The following ATPAF1 variants were observed in gnomAD, a reference collection of about 807,000 sequenced individuals.
The protein encoded by ATPAF1 is homolog of yeast ATP11.
Under a neutral mutation model 43.9 loss-of-function variants are expected in ATPAF1, and 26 were observed. The observed-to-expected ratio is 0.59, with a 90% CI of 0.43 to 0.82. The LOEUF is 0.82. Among genes scored for constraint, ATPAF1 ranks in the 40% least tolerant of loss-of-function variants. ATPAF1 has a pLI of 0.00. For missense variants in ATPAF1, 366 were observed against 435.0 expected (o/e 0.84, Z 1.41); for synonymous variants, 157 against 168.0 (o/e 0.93, Z 0.50).
At chr1:46,665,358 G>T in exon 2 of ATPAF1, 1 of 1,614,196 alleles carries the variant, frequency 6.2e-7, no homozygotes, top group Non-Finnish European at 8.5e-7. Context: ...AAGCAGCTGG[G>T]TCTGACCTGA....
Position 46,653,689 on chromosome 1 carries a change from C to T in ATPAF1, c.540+128G>A, listed in dbSNP as rs1676211149. 1 of 774,988 alleles carries T rather than the reference C, an allele frequency of 1.3e-6. No homozygotes were observed. Among genetic ancestry groups the T allele is most frequent in the African/African-American group, 1.8e-5 (1 of 55,734 alleles). 48.0% of individuals were successfully genotyped at this position (774,988 alleles called of 1,614,324 possible). A position where few individuals can be genotyped will look rare whatever the true frequency, so the allele number is the denominator to read the frequency against. On this transcript the variant is annotated intron_variant, in intron 5 of 8. Transcript: ENST00000574428. The surrounding 1 kb of genome is among the most constrained non-coding windows in gnomAD (Gnocchi z 4.8). ...TGGTGCTCAGGGCATAATAAAAACT[C>T]TCAGGGCTGTAAAATGCAGCTTCTC... is the stretch of plus-strand genomic sequence containing the variant.
chr1:46,635,360 C>A (rs948073501), exon 9 of ATPAF1: 1 of 167,264 alleles, frequency 6.0e-6, no homozygotes, highest in Non-Finnish European at 1.3e-5. Flanking sequence ...GGATTAAAGC[C>A]CATATCTAAC....
intron 3 of ATPAF1, 23 bp from the exon 4 acceptor site, chr1:46,658,212 A>T: frequency 6.5e-7 from 1 of 1,541,188 alleles, no homozygotes; most frequent in Non-Finnish European, 8.8e-7. Flanking sequence ...AATAAAAAGC[A>T]ATTAACACAT....
chr1:46,638,415 G>C (rs1675882350), intron 8 of ATPAF1, among the ~76,000 whole-genome samples: 1 of 152,092 alleles, frequency 6.6e-6, no homozygotes, highest in Non-Finnish European at 1.5e-5. Context: ...TCAGGAGATC[G>C]AGACCATCCT....
At chr1:46,643,622 A>G (rs1167770123) in intron 7 of ATPAF1, among the ~76,000 whole-genome samples, 1 of 152,268 alleles carries the variant, frequency 6.6e-6, no homozygotes, top group Non-Finnish European at 1.5e-5. Flanking sequence ...ATCAAGTTCT[A>G]AAGAAAGCAA....
intron 6 of ATPAF1, among the ~76,000 whole-genome samples, chr1:46,647,666 A>G (rs1484714358): frequency 6.6e-6 from 1 of 152,238 alleles, no homozygotes; most frequent in Admixed American, 6.5e-5. Context: ...TCTCTTGGGA[A>G]AATATCTAGA....
chr1:46,663,647 T>C (rs2148826954), intron 2 of ATPAF1, among the ~76,000 whole-genome samples: 1 of 152,318 alleles, frequency 6.6e-6, no homozygotes, highest in South Asian at 2.1e-4. Flanking sequence ...TCTTGTAAAT[T>C]TGTTTGAGTT....
chr1:46,640,347 T>C (rs973746221), intron 8 of ATPAF1, among the ~76,000 whole-genome samples: 1 of 152,368 alleles, frequency 6.6e-6, no homozygotes, highest in African/African-American at 2.4e-5. Context: ...TGGTGGCTCA[T>C]GCCTGTAATC....
At chr1:46,659,023 C>G (rs1396255884) in intron 2 of ATPAF1, among the ~76,000 whole-genome samples, 5 of 152,018 alleles carry the variant, frequency 3.3e-5, no homozygotes, top group Non-Finnish European at 5.9e-5. Context: ...AACCCCGTCT[C>G]TACTAAAAAT....
At chr1:46,635,538 G>A (rs765749870) in exon 9 of ATPAF1, 21 of 496,150 alleles carry the variant, frequency 4.2e-5, no homozygotes, top group Non-Finnish European at 6.8e-5. Context: ...TTATAACCTC[G>A]AACACTTAAA....
rs1676209414 is a variant in ATPAF1 at position 46,653,570 on chromosome 1, C to T, written c.540+247G>A. ...TACTCAGCAACATGAACTTATACCA[C>T]GCTCCCTTGTCAGAGACTTGACTCA... On this transcript the variant is annotated intron_variant, in intron 5 of 8. Transcript: ENST00000574428. The surrounding 1 kb of genome is among the most constrained non-coding windows in gnomAD (Gnocchi z 4.8). Among the ~76,000 whole-genome samples the T allele has an allele frequency of 6.6e-6, 1 of 152,076 alleles. No homozygotes were observed. The highest frequency in any genetic ancestry group is 6.6e-5 in the Admixed American group (1 of 15,256).
intron 6 of ATPAF1, among the ~76,000 whole-genome samples, chr1:46,647,443 G>A (rs1292839455): frequency 6.6e-6 from 1 of 152,122 alleles, no homozygotes. Flanking sequence ...GTTGTTGCAT[G>A]TATCAATAGT....
At chr1:46,655,176 T>C (rs183885278) in intron 4 of ATPAF1, among the ~76,000 whole-genome samples, 21 of 152,282 alleles carry the variant, frequency 1.4e-4, no homozygotes, top group Admixed American at 8.5e-4. Flanking sequence ...TTACCTCCCA[T>C]TGTGTCCCTC....
chr1:46,659,527 A>C (rs1676344771), intron 2 of ATPAF1, among the ~76,000 whole-genome samples: 2 of 125,734 alleles, frequency 1.6e-5, no homozygotes. Context: ...AGTCATTTTG[A>C]GTGTTCAATC....
rs556433096 is a variant in ATPAF1, at chr1:46,667,129, T to C, written c.266+928A>G. ...GCAAGAAAGATCACTACAGTAGCAGTGAGAGGAACTGGGGTAAAGTAGTCC... is the reference window on the plus strand; with the variant it reads ...GCAAGAAAGATCACTACAGTAGCAGCGAGAGGAACTGGGGTAAAGTAGTCC... On this transcript the variant is annotated intron_variant, in intron 1 of 8. Coordinates refer to ENST00000574428, the Ensembl canonical transcript of ATPAF1. 2.0e-5 allele frequency among the ~76,000 whole-genome samples: 3 copies of C among 152,214 alleles called. No individual in the cohort carries two copies. The South Asian group carries it at 6.2e-4, about 32-fold the overall frequency.
chr1:46,652,676 A>G (rs1486911615), intron 5 of ATPAF1, 48 bp from the exon 6 acceptor site: 2 of 1,491,920 alleles, frequency 1.3e-6, no homozygotes, highest in Non-Finnish European at 1.9e-6. Flanking sequence ...GTAAAACACA[A>G]AAGGCCACTA....
At chr1:46,663,052 G>C (rs181756520) in intron 2 of ATPAF1, among the ~76,000 whole-genome samples, 1 of 151,968 alleles carries the variant, frequency 6.6e-6, no homozygotes, top group Non-Finnish European at 1.5e-5. Flanking sequence ...TTGTCCTTGC[G>C]ATAGTTTGCT....
At chr1:46,641,822 C>A (rs576041281) in intron 8 of ATPAF1, among the ~76,000 whole-genome samples, 2 of 152,256 alleles carry the variant, frequency 1.3e-5, no homozygotes, top group South Asian at 4.1e-4. Flanking sequence ...GGGATGGAGA[C>A]CCCTCGCTCA....
chr1:46,661,825 T>C (rs1211014505), intron 2 of ATPAF1, among the ~76,000 whole-genome samples: 1 of 152,202 alleles, frequency 6.6e-6, no homozygotes, highest in Non-Finnish European at 1.5e-5. Context: ...AGTGAATATT[T>C]ACCTAAGAGC....
Sources: allele counts gnomAD v4.1 joint callset (sites outside exome capture counted in the v4.1 genomes callset), GRCh38; gene constraint gnomAD v4.1.1; non-coding constraint Gnocchi (gnomAD v3.1); transcripts MANE v1.5; gene names NCBI Gene and HGNC (gene_info 2026-07-23, HGNC 2026-07-21).